RNASEH2B: variants seen among roughly 807,000 people sequenced by gnomAD.
The protein encoded by RNASEH2B is ribonuclease H2 subunit B, also known as Aicardi-Goutieres syndrome 2 protein.
In RNASEH2B, 36 loss-of-function variants were observed where a neutral mutation model predicts 45.0. The ratio of observed to expected loss-of-function variants is 0.80; its 90% CI spans 0.61 to 1.06. The LOEUF (loss-of-function observed/expected upper bound fraction) is 1.06. RNASEH2B is among the 50% of genes least tolerant of loss of function. The pLI, the probability that RNASEH2B is intolerant of heterozygous loss-of-function variation, is 0.00. For missense variants in RNASEH2B, 361 were observed against 360.3 expected (o/e 1.00, Z -0.02); for synonymous variants, 119 against 125.7 (o/e 0.95, Z 0.35).
intron 10 of RNASEH2B, 197 bp from the exon 11 acceptor site, chr13:50,956,161 C>T (rs1325500675): frequency 1.9e-6 from 1 of 528,160 alleles, no homozygotes; most frequent in African/African-American, 1.9e-5. Context: ...TGTCTTCTGC[C>T]TCTTTTAACA....
Position 50,956,370 on chromosome 13 carries a change from A to T in RNASEH2B, c.835A>T (p.Met279Leu). The T allele has an allele frequency of 1.2e-6, 2 of 1,600,124 alleles. No individual in the cohort carries two copies. The highest frequency in any genetic ancestry group is 1.7e-6 in the Non-Finnish European group (2 of 1,170,956). ...TTTTCATTAACAGAAAAATAGCAAA[A>T]TGACTGCAGCTCAGAAGGCTTTGGC... ...DLKTEKKNSK[M>L]TAAQKALAKV... is the part of the protein sequence containing the mutation. Residue 279 changes from methionine (M) to leucine (L), a missense_variant, in exon 11 of 11, where the codon ATG (methionine) becomes TTG (leucine). Transcript: ENST00000336617.
intron 4 of RNASEH2B, among the ~76,000 whole-genome samples, chr13:50,931,785 T>C (rs1951684609): frequency 6.6e-6 from 1 of 152,220 alleles, no homozygotes; most frequent in African/African-American, 2.4e-5. Context: ...AATGTGAAAC[T>C]TTGTCAGTTA....
intron 1 of RNASEH2B, among the ~76,000 whole-genome samples, chr13:50,916,337 A>G (rs1879739356): frequency 6.6e-6 from 1 of 152,208 alleles, no homozygotes; most frequent in African/African-American, 2.4e-5. Context: ...GTGCTGTTCT[A>G]CATAAAATTG....
intron 9 of RNASEH2B, among the ~76,000 whole-genome samples, chr13:50,962,472 G>T (rs1244013949): frequency 6.6e-6 from 1 of 151,926 alleles, no homozygotes; most frequent in Non-Finnish European, 1.5e-5. Flanking sequence ...ATTTGATCTA[G>T]GTTGTCAAAT....
At chr13:50,914,174 T>C (rs998799007) in intron 1 of RNASEH2B, among the ~76,000 whole-genome samples, 2 of 152,080 alleles carry the variant, frequency 1.3e-5, no homozygotes, top group Non-Finnish European at 2.9e-5. Flanking sequence ...AGAACTACTA[T>C]AGATTTAACT....
chr13:50,956,900 A>ATTTT (rs377401674), downstream of RNASEH2B: 78 of 189,376 alleles, frequency 4.1e-4, no homozygotes, highest in Non-Finnish European at 6.8e-4. Flanking sequence ...TTTTTGGTAA[A>ATTTT]TTTTTTTTTT....
At chr13:50,954,350 G>T (rs1033564703) in intron 10 of RNASEH2B, 1 of 432,612 alleles carries the variant, frequency 2.3e-6, no homozygotes, top group African/African-American at 2.0e-5. Flanking sequence ...TCACCATTCA[G>T]CATTCACCCT....
intron 4 of RNASEH2B, 76 bp from the exon 5 acceptor site, chr13:50,934,809 A>T: frequency 1.0e-6 from 1 of 983,346 alleles, no homozygotes; most frequent in Non-Finnish European, 1.6e-6. Context: ...GCCATGAGTT[A>T]ATGTGTCTTT....
intron 1 of RNASEH2B, among the ~76,000 whole-genome samples, chr13:50,916,958 C>T (rs1040835228): frequency 5.9e-5 from 9 of 152,324 alleles, no homozygotes; most frequent in Middle Eastern, 6.8e-3. Flanking sequence ...TTAACTTCCT[C>T]TTCTCAAACT....
rs149475110 is a variant in RNASEH2B at position 50,970,432 on chromosome 13, A to G, written c.*468A>G. Reference sequence around the variant, plus strand: ...AACGTTGGCATTTTATCTCTCCAGGAGTTATTAAACATTTCTTCCTTTTTA... The same window carrying G: ...AACGTTGGCATTTTATCTCTCCAGGGGTTATTAAACATTTCTTCCTTTTTA... On this transcript the variant is annotated 3_prime_UTR_variant, in exon 10 of 10. Transcript: ENST00000422660. 47 of 229,868 alleles carry G rather than the reference A, an allele frequency of 2.0e-4. No individual in the cohort carries two copies. In the East Asian group the frequency reaches 4.4e-3, roughly 21 times the overall value. The allele number at this position is 229,868 out of a possible 1,614,324, so 14.2% of individuals were successfully genotyped here.
At chr13:50,938,155 A>ACC (rs1951782836) in intron 5 of RNASEH2B, 1 of 152,244 alleles carries the variant, frequency 6.6e-6, no homozygotes, top group Non-Finnish European at 1.5e-5. Context: ...TAATGGAATA[A>ACC]AAACATACCA....
In RNASEH2B at chr13:50,909,956, C is replaced by G; in HGVS notation, c.-121C>G. 1.3e-6 allele frequency: 1 copy of G among 783,478 alleles called. No homozygotes were observed. The highest frequency in any genetic ancestry group is 3.4e-5 in the East Asian group (1 of 29,610). The allele number at this position is 783,478 out of a possible 1,614,324, so 48.5% of individuals were successfully genotyped here. ...CGGTCCCTGGGCCTCCTCCCGGGCGCTGCCGGTCCCTCAGCGCGCCGCGCC... is the reference window on the plus strand; with the variant it reads ...CGGTCCCTGGGCCTCCTCCCGGGCGGTGCCGGTCCCTCAGCGCGCCGCGCC... On this transcript the variant is annotated 5_prime_UTR_variant, in exon 1 of 11. Transcript: ENST00000336617.
intron 9 of RNASEH2B, chr13:50,952,696 A>C (rs1299669375): frequency 6.6e-6 from 1 of 152,192 alleles, no homozygotes; most frequent in Non-Finnish European, 1.5e-5. Context: ...TCACTGCACC[A>C]AGCTGAAACA....
At chr13:50,968,001 C>T (rs1952182168) in intron 9 of RNASEH2B, among the ~76,000 whole-genome samples, 1 of 152,176 alleles carries the variant, frequency 6.6e-6, no homozygotes, top group Non-Finnish European at 1.5e-5. Flanking sequence ...TTGGTATACA[C>T]TTGGAGATTA....
chr13:50,935,071 A>G, intron 5 of RNASEH2B, 72 bp downstream of exon 5: 1 of 925,438 alleles, frequency 1.1e-6, no homozygotes, highest in Non-Finnish European at 1.8e-6. Flanking sequence ...CTGCTTACAG[A>G]CACACTGAAT....
At chr13:50,953,703 GCTT>G (rs1952005089) in intron 9 of RNASEH2B, 199 bp from the exon 10 acceptor site, 1 of 599,592 alleles carries the variant, frequency 1.7e-6, no homozygotes, top group African/African-American at 1.9e-5. Context: ...CACCAAGGCT[GCTT>G]CTTAGGAGTG....
In RNASEH2B at chr13:50,927,598, G is replaced by A. The variant is rs2137925554; in HGVS notation, c.136+120G>A. 8 of 723,738 alleles carry A rather than the reference G, an allele frequency of 1.1e-5. No homozygotes were observed. In the East Asian group the frequency reaches 2.1e-4, roughly 19 times the overall value. 44.8% of individuals were successfully genotyped at this position (723,738 alleles called of 1,614,324 possible). A position where few individuals can be genotyped will look rare whatever the true frequency, so the allele number is the denominator to read the frequency against. On this transcript the variant is annotated intron_variant, in intron 2 of 10. Coordinates refer to ENST00000336617, the MANE Select transcript of RNASEH2B (RefSeq NM_024570.4). ...GCTTTTAAAGTTAAGATGGCACCGT[G>A]AGGAGAAGAAAACAAGGTGATGACA...
Position 50,956,507 on chromosome 13 carries a change from GC to G in RNASEH2B, c.*34del. Reference sequence around the variant, plus strand: ...AAAATAAAATCTAGCAAAAATATTTGCTTTTTACATGTTTCAGTTTGTCCTT... The same window carrying G: ...AAAATAAAATCTAGCAAAAATATTTGTTTTTACATGTTTCAGTTTGTCCTT... On this transcript the variant is annotated 3_prime_UTR_variant, in exon 11 of 11. Coordinates refer to ENST00000336617, the MANE Select transcript of RNASEH2B (RefSeq NM_024570.4). 6.3e-7 allele frequency: 1 copy of G among 1,577,898 alleles called. No individual in the cohort carries two copies. The highest frequency in any genetic ancestry group is 8.6e-7 in the Non-Finnish European group (1 of 1,158,284).
chr13:50,933,250 A>G, intron 4 of RNASEH2B, among the ~76,000 whole-genome samples: 1 of 152,128 alleles, frequency 6.6e-6, no homozygotes, highest in Non-Finnish European at 1.5e-5. Context: ...TTTTGATAGC[A>G]TTTCTCCATC....
Sources: allele counts gnomAD v4.1 joint callset (sites outside exome capture counted in the v4.1 genomes callset), GRCh38; gene constraint gnomAD v4.1.1; transcripts MANE v1.5; gene names NCBI Gene and HGNC (gene_info 2026-07-23, HGNC 2026-07-21).